The following TMEM182 variants were observed in gnomAD, a reference collection of about 807,000 sequenced individuals.
TMEM182 encodes the protein transmembrane protein 182.
A neutral mutation model predicts 26.8 loss-of-function variants in TMEM182; 20 were observed. That is an observed-to-expected ratio of 0.75 (90% CI 0.53 to 1.09). The LOEUF (loss-of-function observed/expected upper bound fraction) is 1.09. Among genes scored for constraint, TMEM182 ranks in the 50% least tolerant of loss-of-function variants. The pLI is 0.00. For missense variants in TMEM182, 277 were observed against 275.5 expected, an observed-to-expected ratio of 1.01 and a Z score of -0.04; for synonymous variants, 109 against 102.2, an observed-to-expected ratio of 1.07 and a Z score of -0.40.
chr2:102,826,301 C>CTTTTTT lies in TMEM182; in HGVS notation c.326-17096_326-17091dup. On this transcript the variant is annotated intron_variant, in intron 3 of 3. Transcript: ENST00000486293. ...AGTGCAGCGTACAGTCTGCAGCTGG[C>CTTTTTT]TTTTTTTTTTTTTTTTTTTTAACAA... Among the ~76,000 whole-genome samples, 2 of 120,066 alleles carry CTTTTTT rather than the reference C, an allele frequency of 1.7e-5. 1 individual carries two copies. Among genetic ancestry groups the CTTTTTT allele is most frequent in the Non-Finnish European group, 3.5e-5 (2 of 57,368 alleles). 78.8% of individuals were successfully genotyped at this position (120,066 alleles called of 152,430 possible). A position where few individuals can be genotyped will look rare whatever the true frequency, so the allele number is the denominator to read the frequency against.
In TMEM182 at chr2:102,815,025, T is replaced by C; in HGVS notation, c.*57T>C. 1 of 1,586,596 alleles carries C rather than the reference T, an allele frequency of 6.3e-7. No individual in the cohort carries two copies. Among genetic ancestry groups the C allele is most frequent in the Non-Finnish European group, 8.6e-7 (1 of 1,166,020 alleles). On this transcript the variant is annotated 3_prime_UTR_variant, in exon 5 of 5. Transcript: ENST00000412401. ...GATTTTAAAACAAGGAATACTTTTT[T>C]TCCATTTTGTTTCATTGATCCCAGC...
downstream of TMEM182, among the ~76,000 whole-genome samples, chr2:102,818,758 C>CTATG (rs1553444825): frequency 3.2e-4 from 49 of 151,852 alleles, no homozygotes; most frequent in South Asian, 8.3e-4. Context: ...ATCTATCTAT[C>CTATG]TATCTATCTA....
At chr2:102,835,601 A>G (rs1683230053) in intron 3 of TMEM182, among the ~76,000 whole-genome samples, 1 of 152,150 alleles carries the variant, frequency 6.6e-6, no homozygotes, top group Non-Finnish European at 1.5e-5. Flanking sequence ...TCTGTGTTCC[A>G]TCTGTTTATT....
chr2:102,774,250 CTTTTTTTTTTTTT>C (rs774047240), intron 3 of TMEM182, among the ~76,000 whole-genome samples: 1 of 96,130 alleles, frequency 1.0e-5, no homozygotes, highest in African/African-American at 4.3e-5. Context: ...TTCTTTCTTT[CTTTTTTTTTTTTT>C]TTTTTTTTTG....
intron 4 of TMEM182, among the ~76,000 whole-genome samples, chr2:102,804,958 T>TA (rs1682289896): frequency 6.6e-6 from 1 of 152,308 alleles, no homozygotes; most frequent in East Asian, 1.9e-4. Context: ...GGGATTTGTC[T>TA]AAAAAATCAC....
chr2:102,826,897 T>C (rs1683041076), intron 3 of TMEM182, among the ~76,000 whole-genome samples: 1 of 152,050 alleles, frequency 6.6e-6, no homozygotes, highest in South Asian at 2.1e-4. Context: ...TTCTAAATGT[T>C]GGCCAATCAA....
chr2:102,737,217 C>T (rs1380348648), intron 1 of TMEM182, among the ~76,000 whole-genome samples: 1 of 152,150 alleles, frequency 6.6e-6, no homozygotes, highest in Non-Finnish European at 1.5e-5. Flanking sequence ...ACCTAGGATA[C>T]GTTAACGTGG....
chr2:102,823,133 C>G (rs1424255543), intron 3 of TMEM182, among the ~76,000 whole-genome samples: 1 of 152,138 alleles, frequency 6.6e-6, no homozygotes, highest in Non-Finnish European at 1.5e-5. Flanking sequence ...CTCAGTCTGT[C>G]AGGATGTTAG....
chr2:102,803,786 C>T (rs1238083009), intron 4 of TMEM182, among the ~76,000 whole-genome samples: 1 of 152,102 alleles, frequency 6.6e-6, no homozygotes, highest in Non-Finnish European at 1.5e-5. Flanking sequence ...GTGTGTGGGG[C>T]AAGTCAAGAG....
chr2:102,764,171 A>G (rs1370202795), intron 2 of TMEM182, among the ~76,000 whole-genome samples, 158 bp from the exon 3 acceptor site: 4 of 152,206 alleles, frequency 2.6e-5, no homozygotes, highest in Non-Finnish European at 2.9e-5. Context: ...GTTTCCTAGA[A>G]GGCCTTCCTC....
intron 1 of TMEM182, among the ~76,000 whole-genome samples, chr2:102,751,250 T>C (rs1290949843): frequency 2.0e-5 from 3 of 152,046 alleles, no homozygotes; most frequent in Non-Finnish European, 4.4e-5. Flanking sequence ...ATAGACAGGC[T>C]TGAGGAGGCG....
intron 4 of TMEM182, among the ~76,000 whole-genome samples, chr2:102,804,322 C>A (rs1682266600): frequency 6.6e-6 from 1 of 151,966 alleles, no homozygotes; most frequent in African/African-American, 2.4e-5. Flanking sequence ...TCTACCCTTC[C>A]CCCCAAGTCC....
At chr2:102,812,516 T>C (rs1039338202) in intron 4 of TMEM182, among the ~76,000 whole-genome samples, 5 of 152,158 alleles carry the variant, frequency 3.3e-5, no homozygotes, top group Non-Finnish European at 7.3e-5. Context: ...TTAAAGACTA[T>C]AGTGATAGAA....
intron 3 of TMEM182, among the ~76,000 whole-genome samples, chr2:102,773,189 G>A (rs1024705536): frequency 2.0e-5 from 3 of 151,888 alleles, no homozygotes; most frequent in Admixed American, 6.6e-5. Context: ...TAGGTTCTGG[G>A]GAACAGTAGT....
Position 102,816,160 on chromosome 2 carries a change from T to G in TMEM182, c.*1192T>G. 1.0e-6 allele frequency: 1 copy of G among 985,420 alleles called. No homozygotes were observed. The highest frequency in any genetic ancestry group is 1.2e-6 in the Non-Finnish European group (1 of 829,928). The allele number at this position is 985,420 out of a possible 1,614,324, so 61.0% of individuals were successfully genotyped here. On this transcript the variant is annotated 3_prime_UTR_variant, in exon 5 of 5. Coordinates refer to ENST00000412401, the MANE Select transcript of TMEM182 (RefSeq NM_144632.5). The stretch of plus-strand genomic sequence containing the variant: ...ATGTTCATTTGGCACTAATGTTGAT[T>G]GAAATCAAATCCATCTGAGATGCCT...
chr2:102,843,662 T>G (rs1683396757), exon 4 of TMEM182: 1 of 152,236 alleles, frequency 6.6e-6, no homozygotes, highest in Admixed American at 6.5e-5. Context: ...CATTTGTGTT[T>G]TAATGTTTTT....
chr2:102,737,100 A>G (rs1679375565), intron 1 of TMEM182: 1 of 405,056 alleles, frequency 2.5e-6, no homozygotes, highest in Non-Finnish European at 4.4e-6. Context: ...GTTGGAGGAC[A>G]GGAGGGAATT....
chr2:102,798,520 T>C (rs763247091), intron 4 of TMEM182, among the ~76,000 whole-genome samples: 9 of 152,226 alleles, frequency 5.9e-5, no homozygotes, highest in Non-Finnish European at 1.2e-4. Context: ...AATATTTTTC[T>C]ACATCACTCC....
chr2:102,806,352 A>G (rs575925768), intron 4 of TMEM182, among the ~76,000 whole-genome samples: 21 of 152,132 alleles, frequency 1.4e-4, no homozygotes, highest in South Asian at 1.0e-3. Context: ...CAAAGAAGAA[A>G]TTGTCCTCAA....
Sources: allele counts gnomAD v4.1 joint callset (sites outside exome capture counted in the v4.1 genomes callset), GRCh38; gene constraint gnomAD v4.1.1; transcripts MANE v1.5; gene names NCBI Gene and HGNC (gene_info 2026-07-23, HGNC 2026-07-21).